The following PTPRD variants were observed in gnomAD, a reference collection of about 807,000 sequenced individuals.
The protein encoded by PTPRD is protein tyrosine phosphatase receptor type D.
A neutral mutation model predicts 214.5 loss-of-function variants in PTPRD; 34 were observed. The ratio of observed to expected loss-of-function variants is 0.16; its 90% CI spans 0.12 to 0.21. The LOEUF (loss-of-function observed/expected upper bound fraction) is 0.21, where lower values mean the gene tolerates loss of function less well. Among genes scored for constraint, PTPRD ranks in the 10% least tolerant of loss-of-function variants. The pLI is 1.00. For missense variants in PTPRD, 2,545 were observed against 2,398.7 expected, an observed-to-expected ratio of 1.06 and a Z score of -1.27; for synonymous variants, 1,128 against 845.7, an observed-to-expected ratio of 1.33 and a Z score of -5.79.
intron 14 of PTPRD, among the ~76,000 whole-genome samples, chr9:8,534,110 A>G (rs2076345907): frequency 1.3e-5 from 2 of 152,150 alleles, no homozygotes; most frequent in African/African-American, 2.4e-5. Flanking sequence ...CATTGAGAAT[A>G]TGCAATTTAT....
chr9:8,390,461 C>T (rs1417538628), intron 36 of PTPRD, among the ~76,000 whole-genome samples: 1 of 152,134 alleles, frequency 6.6e-6, no homozygotes, highest in Non-Finnish European at 1.5e-5. Flanking sequence ...AAGGCCTGCC[C>T]TGGAGTACCC....
At chr9:10,194,982 G>C (rs911517323) in intron 3 of PTPRD, among the ~76,000 whole-genome samples, 34 of 150,686 alleles carry the variant, frequency 2.3e-4, no homozygotes, top group African/African-American at 8.3e-4. Flanking sequence ...GTTCAGGCTG[G>C]AGTTCAGTGG....
intron 21 of PTPRD, among the ~76,000 whole-genome samples, chr9:8,516,381 G>C (rs934167799): frequency 2.6e-5 from 4 of 152,084 alleles, no homozygotes; most frequent in Admixed American, 6.6e-5. Context: ...CAATGTCATA[G>C]AGAAAAGAGT....
intron 8 of PTPRD, among the ~76,000 whole-genome samples, chr9:9,501,262 A>G (rs1385196642): frequency 6.6e-6 from 1 of 152,042 alleles, no homozygotes; most frequent in Non-Finnish European, 1.5e-5. Flanking sequence ...TTAACAAGTT[A>G]CACCTTAAAT....
chr9:10,520,623 G>C (rs921292647), intron 2 of PTPRD, among the ~76,000 whole-genome samples: 4 of 152,166 alleles, frequency 2.6e-5, no homozygotes, highest in Non-Finnish European at 2.9e-5. Context: ...TTCATAGCTA[G>C]AGAAGGGAAG....
intron 3 of PTPRD, among the ~76,000 whole-genome samples, chr9:10,331,081 C>T (rs967835535): frequency 6.6e-6 from 1 of 151,828 alleles, no homozygotes; most frequent in East Asian, 1.9e-4. Flanking sequence ...CTCTCAACAC[C>T]AGATGCAGAT....
At chr9:9,280,291 C>T (rs2133504939) in intron 9 of PTPRD, among the ~76,000 whole-genome samples, 1 of 151,172 alleles carries the variant, frequency 6.6e-6, no homozygotes, top group African/African-American at 2.4e-5. Context: ...TACATTCTGA[C>T]ACTGAATTAA....
chr9:8,373,655 G>A (rs886510756), intron 39 of PTPRD, among the ~76,000 whole-genome samples: 2 of 115,888 alleles, frequency 1.7e-5, no homozygotes, highest in East Asian at 5.5e-4. Context: ...GTGTGTGTGT[G>A]TATTTTCTCA....
At chr9:9,856,104 T>A (rs1258244530) in intron 5 of PTPRD, among the ~76,000 whole-genome samples, 1 of 152,010 alleles carries the variant, frequency 6.6e-6, no homozygotes, top group Non-Finnish European at 1.5e-5. Flanking sequence ...ATAAGGTGGG[T>A]AGGTAATCTT....
intron 9 of PTPRD, among the ~76,000 whole-genome samples, chr9:9,325,117 A>T (rs527879317): frequency 6.6e-6 from 1 of 152,292 alleles, no homozygotes; most frequent in South Asian, 2.1e-4. Flanking sequence ...GTTTGAAGTC[A>T]GGTAGCGTGA....
chr9:8,427,008 T>C (rs559185085), intron 35 of PTPRD, among the ~76,000 whole-genome samples: 1 of 152,290 alleles, frequency 6.6e-6, no homozygotes, highest in Non-Finnish European at 1.5e-5. Flanking sequence ...TGTGTTCTAC[T>C]AGATTTGTTT....
intron 11 of PTPRD, among the ~76,000 whole-genome samples, chr9:8,923,065 T>C (rs1334265274): frequency 6.6e-6 from 1 of 150,534 alleles, no homozygotes; most frequent in Non-Finnish European, 1.5e-5. Context: ...TTTTTGAGAC[T>C]GAGTCTCGCT....
intron 9 of PTPRD, among the ~76,000 whole-genome samples, chr9:9,303,405 A>G (rs546823019): frequency 3.9e-5 from 6 of 152,188 alleles, no homozygotes; most frequent in African/African-American, 1.4e-4. Context: ...CAAGTAGATT[A>G]CATGCATGTT....
intron 5 of PTPRD, among the ~76,000 whole-genome samples, chr9:9,839,101 G>T (rs977193245): frequency 1.3e-5 from 2 of 152,060 alleles, no homozygotes; most frequent in African/African-American, 4.8e-5. Flanking sequence ...ATTTTTGAGG[G>T]CTCTGTGCTG....
intron 14 of PTPRD, among the ~76,000 whole-genome samples, chr9:8,624,306 GTA>G (rs1452899733): frequency 6.6e-6 from 1 of 151,890 alleles, no homozygotes; most frequent in Non-Finnish European, 1.5e-5. Context: ...TGGTAATACT[GTA>G]TGTTTTCAGA....
At chr9:10,341,311 A>C (rs1036339451) in intron 2 of PTPRD, among the ~76,000 whole-genome samples, 1 of 150,708 alleles carries the variant, frequency 6.6e-6, no homozygotes, top group East Asian at 1.9e-4. Flanking sequence ...GTCACAGAAT[A>C]TTACCTAAAG....
intron 3 of PTPRD, among the ~76,000 whole-genome samples, chr9:10,175,026 T>C (rs1460164163): frequency 6.6e-6 from 1 of 152,110 alleles, no homozygotes; most frequent in Non-Finnish European, 1.5e-5. Flanking sequence ...GTAGTGAGGA[T>C]TAGACTCATT....
chr9:8,988,511 T>C (rs2099354206), intron 11 of PTPRD, among the ~76,000 whole-genome samples: 1 of 152,126 alleles, frequency 6.6e-6, no homozygotes, highest in Admixed American at 6.6e-5. Flanking sequence ...CTTGATTTAA[T>C]AACTTTATTT....
At chr9:9,409,484 T>G (rs2141829095) in intron 8 of PTPRD, among the ~76,000 whole-genome samples, 1 of 152,142 alleles carries the variant, frequency 6.6e-6, no homozygotes, top group Admixed American at 6.6e-5. Context: ...ATAATTAAAC[T>G]AATTCAAGAC....
Sources: allele counts gnomAD v4.1 joint callset (sites outside exome capture counted in the v4.1 genomes callset), GRCh38; gene constraint gnomAD v4.1.1; transcripts MANE v1.5; gene names NCBI Gene and HGNC (gene_info 2026-07-23, HGNC 2026-07-21).